Variants in RAB11FIP4 observed in about 807,000 individuals in gnomAD.
RAB11FIP4 encodes rab11 family-interacting protein 4.
A neutral mutation model predicts 74.3 loss-of-function variants in RAB11FIP4; 23 were observed. That is an observed-to-expected ratio of 0.31 (90% confidence interval 0.22 to 0.44). RAB11FIP4 has a LOEUF of 0.44. Among genes scored for constraint, RAB11FIP4 ranks in the 20% least tolerant of loss-of-function variants. The pLI is 1.00. For synonymous variants in RAB11FIP4, 360 were observed against 359.9 expected (o/e 1.00, Z 0.00); for missense variants, 630 against 863.9 (o/e 0.73, Z 3.39).
chr17:31,484,355 G>A (rs1170035939), intron 3 of RAB11FIP4, among the ~76,000 whole-genome samples: 1 of 151,666 alleles, frequency 6.6e-6, no homozygotes, highest in Non-Finnish European at 1.5e-5. Flanking sequence ...ACAGGAGTGA[G>A]CCACTGCGCC....
chr17:31,506,670 A>T (rs75595132), intron 3 of RAB11FIP4, among the ~76,000 whole-genome samples: 4,284 of 152,160 alleles, frequency 0.028, 184 homozygotes, highest in African/African-American at 0.099. Context: ...ATTTCACTTA[A>T]CACAATGTTC....
chr17:31,479,236 C>CAA (rs1278421794), intron 3 of RAB11FIP4, among the ~76,000 whole-genome samples: 1 of 152,180 alleles, frequency 6.6e-6, no homozygotes, highest in Non-Finnish European at 1.5e-5. Flanking sequence ...GGCCCTTGTC[C>CAA]AAGGTTCCCA....
chr17:31,417,037 C>G (rs1234320622), intron 1 of RAB11FIP4, among the ~76,000 whole-genome samples: 3 of 151,510 alleles, frequency 2.0e-5, no homozygotes, highest in African/African-American at 7.3e-5. Context: ...TTCCTTCCAT[C>G]CACCCCAGAC....
rs1180378969 is a variant in RAB11FIP4 at position 31,536,754 on chromosome 17, G to A, written c.*5022G>A. On this transcript the variant is annotated 3_prime_UTR_variant, in exon 15 of 15. Coordinates refer to ENST00000621161, the MANE Select transcript of RAB11FIP4 (RefSeq NM_032932.6). Reference sequence around the variant, plus strand: ...GAAGCGGGAGAGGCTGGAACCAGGAGCCTGCCCTACCTGCATGGCAGGACA... The same window carrying A: ...GAAGCGGGAGAGGCTGGAACCAGGAACCTGCCCTACCTGCATGGCAGGACA... 1 of 376,624 alleles carries A rather than the reference G, an allele frequency of 2.7e-6. No individual in the cohort carries two copies. Among genetic ancestry groups the A allele is most frequent in the Non-Finnish European group, 4.7e-6 (1 of 212,570 alleles). The allele number at this position is 376,624 out of a possible 1,614,324, so 23.3% of individuals were successfully genotyped here. A position where few individuals can be genotyped will look rare whatever the true frequency, so the allele number is the denominator to read the frequency against.
chr17:31,522,195 C>A, intron 6 of RAB11FIP4, 146 bp downstream of exon 6: 1 of 1,314,970 alleles, frequency 7.6e-7, no homozygotes, highest in Non-Finnish European at 1.1e-6. Flanking sequence ...GCTTTTTCTG[C>A]CACAGGAAAT....
At chr17:31,510,862 T>C (rs1203434304) in intron 3 of RAB11FIP4, among the ~76,000 whole-genome samples, 3 of 151,956 alleles carry the variant, frequency 2.0e-5, no homozygotes, top group East Asian at 1.9e-4. Context: ...ATGACGACAA[T>C]AGTAGTTCAG....
At chr17:31,481,465 T>C (rs2071848454) in intron 3 of RAB11FIP4, among the ~76,000 whole-genome samples, 1 of 152,040 alleles carries the variant, frequency 6.6e-6, no homozygotes, top group African/African-American at 2.4e-5. Flanking sequence ...ATCAGAGACA[T>C]GGGTAGTGGC....
chr17:31,464,061 AC>A (rs1278909922), intron 3 of RAB11FIP4, among the ~76,000 whole-genome samples: 3 of 151,392 alleles, frequency 2.0e-5, no homozygotes, highest in Non-Finnish European at 2.9e-5. Context: ...TCATCCGCCC[AC>A]CCCATTCTCC....
chr17:31,527,880 C>A lies in RAB11FIP4; in HGVS notation c.1313C>A (p.Thr438Lys), dbSNP rs769482858. The A allele has an allele frequency of 1.2e-6, 2 of 1,606,916 alleles. No homozygotes were observed. The highest frequency in any genetic ancestry group is 2.7e-5 in the African/African-American group (2 of 75,012). ...GAGGAAGAAAATACAGAGCTTAGAA[C>A]AACAGTGACTCGGCTCAAGTCTCAA... ...QLEEENTELR[T>K]TVTRLKSQTE... The change falls in exon 11 of 15, where the codon ACA (threonine) becomes AAA (lysine). Residue 438 changes from threonine to lysine, a missense_variant. Transcript: ENST00000621161.
At chr17:31,408,182 A>G (rs1426962294) in intron 1 of RAB11FIP4, among the ~76,000 whole-genome samples, 4 of 152,200 alleles carry the variant, frequency 2.6e-5, no homozygotes, top group Non-Finnish European at 5.9e-5. Context: ...ACTTGGAATA[A>G]TGTATTTTTA....
At chr17:31,508,820 C>T (rs898540474) in intron 3 of RAB11FIP4, among the ~76,000 whole-genome samples, 4 of 152,174 alleles carry the variant, frequency 2.6e-5, no homozygotes, top group South Asian at 4.1e-4. Context: ...GCACACACCC[C>T]GCTTCCTCTC....
chr17:31,469,253 A>C lies in RAB11FIP4; in HGVS notation c.336+35131A>C, dbSNP rs186634788. Reference sequence around the variant, plus strand: ...ACTGGGGAACCAATGGCCCCTCTTAAAGCTTTCGGTCTGGGAGGGGTAATT... The same window carrying C: ...ACTGGGGAACCAATGGCCCCTCTTACAGCTTTCGGTCTGGGAGGGGTAATT... On this transcript the variant is annotated intron_variant, in intron 3 of 14. Coordinates refer to ENST00000621161, the MANE Select transcript of RAB11FIP4 (RefSeq NM_032932.6). Among the ~76,000 whole-genome samples, 417 of 152,158 alleles carry C rather than the reference A, an allele frequency of 2.7e-3. 5 individuals carry two copies. The highest frequency in any genetic ancestry group is 9.5e-3 in the African/African-American group (396 of 41,490).
At chr17:31,482,662 C>T (rs1341318300) in intron 3 of RAB11FIP4, among the ~76,000 whole-genome samples, 1 of 152,036 alleles carries the variant, frequency 6.6e-6, no homozygotes, top group Non-Finnish European at 1.5e-5. Flanking sequence ...GAGGCCTCTG[C>T]AGTCTCAGAG....
At chr17:31,394,632 C>A (rs931951356) in intron 1 of RAB11FIP4, among the ~76,000 whole-genome samples, 1 of 152,084 alleles carries the variant, frequency 6.6e-6, no homozygotes, top group Non-Finnish European at 1.5e-5. Flanking sequence ...TCGTCTTGTT[C>A]ATTTCATCAC....
At chr17:31,502,223 C>CAAAAA (rs551229045) in intron 3 of RAB11FIP4, among the ~76,000 whole-genome samples, 1 of 138,506 alleles carries the variant, frequency 7.2e-6, no homozygotes. Context: ...TACCTTGTCT[C>CAAAAA]AAAAAAAAAA....
chr17:31,522,119 G>A lies in RAB11FIP4; in HGVS notation c.893+70G>A, dbSNP rs548749872. ...GGCAGGGCCTGGAGGGAGAAGCTAC[G>A]GGCATGGCGAGGCGACCCCTGCTGT... On this transcript the variant is annotated intron_variant, in intron 6 of 14. Coordinates refer to ENST00000621161, the MANE Select transcript of RAB11FIP4 (RefSeq NM_032932.6). The A allele has an allele frequency of 1.6e-5, 26 of 1,594,542 alleles. No individual in the cohort carries two copies. The East Asian group carries it at 3.4e-4, about 21-fold the overall frequency.
At position 31,532,385 on chromosome 17, in the gene RAB11FIP4, G is replaced by C. The variant is rs1240001179; in HGVS notation, c.*653G>C. 6.5e-6 allele frequency: 1 copy of C among 152,918 alleles called. No homozygotes were observed. The highest frequency in any genetic ancestry group is 1.5e-5 in the Non-Finnish European group (1 of 68,294). The allele number at this position is 152,918 out of a possible 1,614,324, so 9.5% of individuals were successfully genotyped here. A position where few individuals can be genotyped will look rare whatever the true frequency, so the allele number is the denominator to read the frequency against. ...CAGGTTTCATAGCAGCTAGTGCGGGGCATCCTCATCCTGTACCTATAGAGT... is the reference window on the plus strand; with the variant it reads ...CAGGTTTCATAGCAGCTAGTGCGGGCCATCCTCATCCTGTACCTATAGAGT... On this transcript the variant is annotated 3_prime_UTR_variant, in exon 15 of 15. Transcript: ENST00000621161.
At chr17:31,436,356 G>A (rs1254119031) in intron 3 of RAB11FIP4, among the ~76,000 whole-genome samples, 4 of 150,890 alleles carry the variant, frequency 2.7e-5, no homozygotes, top group Non-Finnish European at 5.9e-5. Context: ...TTTACCCTCG[G>A]ATACTGGTGT....
At chr17:31,401,841 G>A (rs1261079101) in intron 1 of RAB11FIP4, among the ~76,000 whole-genome samples, 1 of 152,208 alleles carries the variant, frequency 6.6e-6, no homozygotes, top group Admixed American at 6.5e-5. Flanking sequence ...GGGACGCGCT[G>A]CCTCCCAAGG....
Sources: gnomAD v4.1 joint callset for allele counts (sites outside exome capture counted in the v4.1 genomes callset) on GRCh38, gnomAD v4.1.1 for gene constraint, MANE v1.5 for transcripts, NCBI Gene and HGNC (gene_info 2026-07-23, HGNC 2026-07-21) for gene names.